FSTL4: variants seen among roughly 807,000 people sequenced by gnomAD.
FSTL4 encodes follistatin like 4, also known as follistatin-related protein 4.
In FSTL4, 28 loss-of-function variants were observed where a neutral mutation model predicts 78.2. The ratio of observed to expected loss-of-function variants is 0.36; its 90% confidence interval spans 0.27 to 0.49. The LOEUF (loss-of-function observed/expected upper bound fraction) is 0.49, where lower values mean the gene tolerates loss of function less well. Among genes scored for constraint, FSTL4 ranks in the 20% least tolerant of loss-of-function variants. The pLI, the probability that FSTL4 is intolerant of heterozygous loss-of-function variation, is 0.98. For synonymous variants in FSTL4, 422 were observed against 440.5 expected (o/e 0.96, Z 0.53); for missense variants, 922 against 1,084.9 (o/e 0.85, Z 2.11).
chr5:133,657,766 GTTTTTTTTGTTTTTT>G, the FSTL4 span, among the ~76,000 whole-genome samples: 1 of 85,944 alleles, frequency 1.2e-5, no homozygotes, highest in Admixed American at 1.2e-4. Flanking sequence ...ACTGTTTTTT[GTTTTTTTTGTTTTTT>G]TTTTTTTTTA....
chr5:133,373,406 A>G (rs1325668885), intron 4 of FSTL4, among the ~76,000 whole-genome samples: 1 of 152,206 alleles, frequency 6.6e-6, no homozygotes, highest in African/African-American at 2.4e-5. Context: ...TCCTTGAAAC[A>G]CATCCTGAGA....
chr5:133,516,666 GA>G (rs1758857185), intron 3 of FSTL4, among the ~76,000 whole-genome samples: 1 of 152,086 alleles, frequency 6.6e-6, no homozygotes, highest in South Asian at 2.1e-4. Flanking sequence ...CACTCATGTG[GA>G]AAACATTTCT....
At chr5:133,566,091 G>A (rs1238448383) in intron 3 of FSTL4, among the ~76,000 whole-genome samples, 1 of 152,152 alleles carries the variant, frequency 6.6e-6, no homozygotes, top group African/African-American at 2.4e-5. Flanking sequence ...GTCCGAAGCC[G>A]AAGATAATGG....
At chr5:133,526,582 C>A (rs760689224) in intron 3 of FSTL4, among the ~76,000 whole-genome samples, 3 of 152,098 alleles carry the variant, frequency 2.0e-5, no homozygotes, top group Non-Finnish European at 2.9e-5. Context: ...TTTAGATCTC[C>A]ACGTGGATTA....
the FSTL4 span, among the ~76,000 whole-genome samples, chr5:133,680,033 C>A: frequency 6.6e-6 from 1 of 152,128 alleles, no homozygotes; most frequent in Admixed American, 6.5e-5. Context: ...GATGTCAGAG[C>A]GATGGGCAGG....
the FSTL4 span, among the ~76,000 whole-genome samples, chr5:133,799,590 G>T: frequency 7.2e-6 from 1 of 138,380 alleles, no homozygotes; most frequent in African/African-American, 2.6e-5. Context: ...AGAGACATGG[G>T]GTACCTGTGG....
chr5:133,482,556 C>T (rs1758049451), intron 3 of FSTL4, among the ~76,000 whole-genome samples: 1 of 152,232 alleles, frequency 6.6e-6, no homozygotes, highest in African/African-American at 2.4e-5. Flanking sequence ...GTGCACTTCT[C>T]CCTGCCAGAG....
intron 2 of FSTL4, among the ~76,000 whole-genome samples, chr5:133,582,680 C>T (rs989478216): frequency 6.6e-6 from 1 of 152,198 alleles, no homozygotes; most frequent in Admixed American, 6.5e-5. Flanking sequence ...TCCCTCACAC[C>T]TCTTCTTCCT....
At chr5:133,281,139 T>C (rs149206832) in intron 6 of FSTL4, among the ~76,000 whole-genome samples, 1 of 152,232 alleles carries the variant, frequency 6.6e-6, no homozygotes, top group Non-Finnish European at 1.5e-5. Context: ...GTTGCTTTTG[T>C]CCTGCCCCTT....
the FSTL4 span, among the ~76,000 whole-genome samples, chr5:133,789,976 G>A: frequency 2.0e-5 from 3 of 152,098 alleles, no homozygotes; most frequent in Admixed American, 1.3e-4. Context: ...CCATAACGCT[G>A]GGTCTGCCAC....
intron 4 of FSTL4, among the ~76,000 whole-genome samples, chr5:133,392,882 T>G (rs1296941561): frequency 1.3e-5 from 2 of 152,232 alleles, no homozygotes; most frequent in Admixed American, 1.3e-4. Flanking sequence ...CAGTAACTTC[T>G]TAGCAATTTT....
chr5:133,224,556 T>C (rs79778842), intron 10 of FSTL4: 4,394 of 241,948 alleles, frequency 0.018, 179 homozygotes, highest in African/African-American at 0.088. Context: ...GCAGGAGAAG[T>C]GACTTTCAAC....
At chr5:133,437,163 T>G (rs1757049431) in intron 3 of FSTL4, among the ~76,000 whole-genome samples, 1 of 152,082 alleles carries the variant, frequency 6.6e-6, no homozygotes, top group African/African-American at 2.4e-5. Context: ...GGCAGGAAGG[T>G]TAGTGATGGG....
intron 6 of FSTL4, among the ~76,000 whole-genome samples, chr5:133,259,523 T>TC (rs1752465432): frequency 1.3e-5 from 2 of 149,304 alleles, no homozygotes; most frequent in African/African-American, 4.9e-5. Context: ...TTTTTCTTTT[T>TC]TTTTTTTTTT....
chr5:133,240,000 G>C (rs1186478812), intron 7 of FSTL4, among the ~76,000 whole-genome samples: 1 of 152,204 alleles, frequency 6.6e-6, no homozygotes, highest in Admixed American at 6.5e-5. Flanking sequence ...CAACACGCTG[G>C]GATTCCTTTC....
intron 2 of FSTL4, among the ~76,000 whole-genome samples, chr5:133,600,077 G>C (rs1015624858): frequency 1.3e-5 from 2 of 152,148 alleles, no homozygotes; most frequent in African/African-American, 4.8e-5. Context: ...TTTGACTTAG[G>C]ATTTTTCAAC....
chr5:133,224,826 G>C (rs905790714), intron 10 of FSTL4, among the ~76,000 whole-genome samples: 2 of 152,210 alleles, frequency 1.3e-5, no homozygotes, highest in Non-Finnish European at 2.9e-5. Flanking sequence ...ACATCACGTG[G>C]ATGAAGGGCA....
chr5:133,593,850 C>T (rs988894165), intron 2 of FSTL4, among the ~76,000 whole-genome samples: 7 of 152,192 alleles, frequency 4.6e-5, no homozygotes, highest in African/African-American at 1.7e-4. Context: ...GTGATTCCTT[C>T]TGCTAACTTG....
At chr5:133,833,098 A>G in the FSTL4 span, among the ~76,000 whole-genome samples, 109 of 152,344 alleles carry the variant, frequency 7.2e-4, no homozygotes, top group African/African-American at 2.5e-3. Context: ...ATGATTTGCT[A>G]TATCCCCTCT....
Sources: gnomAD v4.1 joint callset for allele counts (sites outside exome capture counted in the v4.1 genomes callset) on GRCh38, gnomAD v4.1.1 for gene constraint, MANE v1.5 for transcripts, NCBI Gene and HGNC (gene_info 2026-07-23, HGNC 2026-07-21) for gene names.